The following ADAM22 variants were observed in gnomAD, a reference collection of about 807,000 sequenced individuals.
ADAM22 encodes the protein disintegrin and metalloproteinase domain-containing protein 22.
ADAM22 carries 65 observed loss-of-function variants against 144.6 expected under a neutral mutation model. That is an observed-to-expected ratio of 0.45 (90% CI 0.37 to 0.55). ADAM22 has a LOEUF of 0.55. ADAM22 is among the 20% of genes least tolerant of loss of function. ADAM22 has a pLI of 0.00. For synonymous variants in ADAM22, 391 were observed against 412.6 expected, an observed-to-expected ratio of 0.95 and a Z score of 0.63; for missense variants, 974 against 1,184.9, an observed-to-expected ratio of 0.82 and a Z score of 2.61.
intron 2 of ADAM22, among the ~76,000 whole-genome samples, chr7:87,971,037 A>G (rs565034059): frequency 2.6e-5 from 4 of 152,188 alleles, no homozygotes; most frequent in East Asian, 1.9e-4. Context: ...TACCATATCC[A>G]TGTAATTTCT....
chr7:88,007,507 G>T (rs570924672), intron 3 of ADAM22, among the ~76,000 whole-genome samples: 4 of 152,148 alleles, frequency 2.6e-5, no homozygotes, highest in African/African-American at 7.2e-5. Context: ...TATACTACAA[G>T]TCTACAGTAA....
chr7:88,172,063 T>C (rs1301152799), intron 26 of ADAM22, among the ~76,000 whole-genome samples: 2 of 151,886 alleles, frequency 1.3e-5, no homozygotes, highest in Non-Finnish European at 2.9e-5. Context: ...TGAGCCTGTT[T>C]ATCTCTGCAT....
intron 14 of ADAM22, among the ~76,000 whole-genome samples, chr7:88,140,956 T>C (rs1834446010): frequency 6.6e-6 from 1 of 152,056 alleles, no homozygotes; most frequent in South Asian, 2.1e-4. Context: ...GAGGGTTTTA[T>C]GGGGAGGTGG....
chr7:88,138,328 G>A (rs990592991), intron 14 of ADAM22, among the ~76,000 whole-genome samples: 1 of 152,128 alleles, frequency 6.6e-6, no homozygotes, highest in Non-Finnish European at 1.5e-5. Context: ...TTATTAAAAT[G>A]TTTAATAGAT....
intron 2 of ADAM22, among the ~76,000 whole-genome samples, chr7:87,959,790 T>C (rs527705168): frequency 6.6e-6 from 1 of 152,334 alleles, no homozygotes; most frequent in East Asian, 1.9e-4. Context: ...TTGAAATATA[T>C]GTATGGCAAC....
At chr7:88,152,591 A>G (rs1295091546) in intron 20 of ADAM22, among the ~76,000 whole-genome samples, 1 of 152,196 alleles carries the variant, frequency 6.6e-6, no homozygotes, top group Non-Finnish European at 1.5e-5. Context: ...TTCATGTATT[A>G]TATTTAGCAC....
At chr7:88,159,513 T>G (rs1037578017) in intron 22 of ADAM22, among the ~76,000 whole-genome samples, 2 of 152,116 alleles carry the variant, frequency 1.3e-5, no homozygotes, top group African/African-American at 4.8e-5. Flanking sequence ...CTCAACAAAA[T>G]ACTTGCAAAC....
intron 30 of ADAM22, among the ~76,000 whole-genome samples, chr7:88,192,709 T>C (rs1427408834): frequency 6.6e-6 from 1 of 152,140 alleles, no homozygotes; most frequent in Admixed American, 6.5e-5. Flanking sequence ...TAAGAGAAAA[T>C]TGGAATTATC....
At position 88,091,869 on chromosome 7, in the gene ADAM22, G is replaced by A. The variant is rs898397024; in HGVS notation, c.390+16177G>A. On this transcript the variant is annotated intron_variant, in intron 4 of 31. Coordinates refer to ENST00000413139, the MANE Select transcript of ADAM22 (RefSeq NM_001324418.2). ...GTTGTTTTAATAGGCCAGAATTGAA[G>A]ATGTGTTAGTTCAGGTGAGTCCCAA... is the stretch of plus-strand genomic sequence containing the variant. Among the ~76,000 whole-genome samples the A allele has an allele frequency of 2.0e-5, 3 of 152,228 alleles. No homozygotes were observed. In the East Asian group the frequency reaches 5.8e-4, roughly 29 times the overall value.
chr7:88,046,635 A>G (rs1804758348), intron 3 of ADAM22, among the ~76,000 whole-genome samples: 1 of 152,156 alleles, frequency 6.6e-6, no homozygotes, highest in African/African-American at 2.4e-5. Context: ...CAAAACAATT[A>G]TTGCCCAGAG....
intron 23 of ADAM22, among the ~76,000 whole-genome samples, 168 bp from the exon 24 acceptor site, chr7:88,165,664 C>T (rs1333266881): frequency 6.6e-6 from 1 of 151,728 alleles, no homozygotes; most frequent in Non-Finnish European, 1.5e-5. Context: ...GAAACATTTG[C>T]TTGAGGTACT....
intron 3 of ADAM22, among the ~76,000 whole-genome samples, chr7:88,032,295 C>T (rs900456865): frequency 6.6e-6 from 1 of 152,168 alleles, no homozygotes; most frequent in Non-Finnish European, 1.5e-5. Context: ...GACTTGGGAG[C>T]CCACTTTTTG....
At chr7:88,056,394 A>G (rs925402689) in intron 3 of ADAM22, among the ~76,000 whole-genome samples, 1 of 152,134 alleles carries the variant, frequency 6.6e-6, no homozygotes, top group Admixed American at 6.6e-5. Context: ...TTGTTTCAGG[A>G]TCTCTTCTGT....
At chr7:88,086,654 A>G (rs1425469073) in intron 4 of ADAM22, among the ~76,000 whole-genome samples, 1 of 152,228 alleles carries the variant, frequency 6.6e-6, no homozygotes, top group African/African-American at 2.4e-5. Flanking sequence ...GACTTCTAAA[A>G]GAATTTTAAA....
chr7:88,082,668 G>A (rs1040263317), intron 4 of ADAM22, among the ~76,000 whole-genome samples: 184 of 152,232 alleles, frequency 1.2e-3, no homozygotes, highest in African/African-American at 4.1e-3. Context: ...CCATCAAAAA[G>A]TTTGCAAAGG....
intron 3 of ADAM22, among the ~76,000 whole-genome samples, chr7:88,007,360 G>A (rs984692106): frequency 5.3e-5 from 8 of 152,116 alleles, no homozygotes; most frequent in African/African-American, 1.9e-4. Context: ...TCCCCATCAA[G>A]CTACCAATGC....
intron 25 of ADAM22, among the ~76,000 whole-genome samples, chr7:88,169,025 C>T (rs1401908142): frequency 1.3e-5 from 2 of 152,126 alleles, no homozygotes; most frequent in Middle Eastern, 3.2e-3. Context: ...ATGTCAAACA[C>T]TCAAAGTAGT....
intron 4 of ADAM22, among the ~76,000 whole-genome samples, chr7:88,098,785 T>C (rs1822137508): frequency 6.6e-6 from 1 of 152,356 alleles, no homozygotes; most frequent in Admixed American, 6.5e-5. Context: ...ATCATGTATC[T>C]TTTAAATGAA....
intron 26 of ADAM22, among the ~76,000 whole-genome samples, chr7:88,176,621 C>T (rs189910919): frequency 2.4e-4 from 37 of 152,256 alleles, no homozygotes; most frequent in African/African-American, 8.7e-4. Context: ...TCTACATCCT[C>T]AGTGTCAGCT....
Sources: gnomAD v4.1 joint callset for allele counts (sites outside exome capture counted in the v4.1 genomes callset) on GRCh38, gnomAD v4.1.1 for gene constraint, MANE v1.5 for transcripts, NCBI Gene and HGNC (gene_info 2026-07-23, HGNC 2026-07-21) for gene names.